GRM8: variants seen among roughly 807,000 people sequenced by gnomAD.
The protein encoded by GRM8 is metabotropic glutamate receptor 8.
In GRM8, 47 loss-of-function variants were observed where a neutral mutation model predicts 87.2. The ratio of observed to expected loss-of-function variants is 0.54; its 90% CI spans 0.43 to 0.69. The LOEUF (loss-of-function observed/expected upper bound fraction) is 0.69. GRM8 is among the 30% of genes least tolerant of loss of function. The pLI, the probability that GRM8 is intolerant of heterozygous loss-of-function variation, is 0.00. For missense variants in GRM8, 1,019 were observed against 1,139.2 expected, an observed-to-expected ratio of 0.89 and a Z score of 1.52; for synonymous variants, 396 against 404.5, an observed-to-expected ratio of 0.98 and a Z score of 0.25.
At chr7:126,613,758 G>A (rs1226595177) in intron 7 of GRM8, among the ~76,000 whole-genome samples, 1 of 152,218 alleles carries the variant, frequency 6.6e-6, no homozygotes, top group East Asian at 1.9e-4. Flanking sequence ...AGGGTCCCAT[G>A]CCCACGGAGC....
intron 7 of GRM8, among the ~76,000 whole-genome samples, chr7:126,642,512 C>A (rs140299370): frequency 1.3e-5 from 2 of 151,914 alleles, no homozygotes; most frequent in African/African-American, 2.4e-5. Flanking sequence ...TGCTGGCGGA[C>A]GCCTGTAGTC....
intron 7 of GRM8, among the ~76,000 whole-genome samples, chr7:126,633,935 T>A (rs1801602251): frequency 6.6e-6 from 1 of 152,000 alleles, no homozygotes; most frequent in Admixed American, 6.6e-5. Flanking sequence ...TTTTAGTATA[T>A]CACAAGTATA....
intron 2 of GRM8, among the ~76,000 whole-genome samples, chr7:127,182,754 G>C (rs1167162855): frequency 6.6e-6 from 1 of 151,368 alleles, no homozygotes; most frequent in African/African-American, 2.4e-5. Flanking sequence ...CAGTCACTTA[G>C]ATGAGATTGG....
At chr7:126,645,453 C>T (rs1440691550) in intron 7 of GRM8, among the ~76,000 whole-genome samples, 1 of 152,166 alleles carries the variant, frequency 6.6e-6, no homozygotes, top group Non-Finnish European at 1.5e-5. Context: ...TTATTCCCAA[C>T]CAATCAACAG....
intron 7 of GRM8, among the ~76,000 whole-genome samples, chr7:126,710,709 G>T (rs1811012995): frequency 6.6e-6 from 1 of 152,104 alleles, no homozygotes; most frequent in African/African-American, 2.4e-5. Context: ...CATGAGGGTT[G>T]GAATCAATTT....
At chr7:126,452,540 C>A (rs1248362488) in intron 9 of GRM8, among the ~76,000 whole-genome samples, 1 of 150,010 alleles carries the variant, frequency 6.7e-6, no homozygotes, top group Non-Finnish European at 1.5e-5. Context: ...GAATATAACT[C>A]ATGTATTTCC....
intron 7 of GRM8, among the ~76,000 whole-genome samples, chr7:126,626,250 T>G (rs1800679206): frequency 6.6e-6 from 1 of 152,100 alleles, no homozygotes. Context: ...AGAGTCACAT[T>G]TATCAGTCTT....
intron 3 of GRM8, among the ~76,000 whole-genome samples, chr7:126,964,868 A>T (rs898027793): frequency 3.3e-5 from 5 of 152,216 alleles, no homozygotes; most frequent in African/African-American, 1.2e-4. Flanking sequence ...ACATGTGTTT[A>T]ATGTGGCACT....
At chr7:126,892,837 T>C (rs1179038929) in intron 6 of GRM8, among the ~76,000 whole-genome samples, 1 of 152,136 alleles carries the variant, frequency 6.6e-6, no homozygotes, top group Non-Finnish European at 1.5e-5. Context: ...TTCTAACTGG[T>C]GTGAGATGTT....
At chr7:126,765,245 G>T (rs1243754161) in intron 7 of GRM8, among the ~76,000 whole-genome samples, 1 of 152,008 alleles carries the variant, frequency 6.6e-6, no homozygotes, top group Non-Finnish European at 1.5e-5. Context: ...AGATAAAGCA[G>T]ACAGACAGAA....
chr7:127,194,397 G>A (rs1250516525), intron 2 of GRM8, among the ~76,000 whole-genome samples: 1 of 152,174 alleles, frequency 6.6e-6, no homozygotes, highest in Non-Finnish European at 1.5e-5. Context: ...TTATCAGGGT[G>A]TCAGATTAGG....
At chr7:127,074,374 T>C (rs879515286) in intron 3 of GRM8, among the ~76,000 whole-genome samples, 1 of 152,088 alleles carries the variant, frequency 6.6e-6, no homozygotes, top group Non-Finnish European at 1.5e-5. Context: ...AATTGTGCAA[T>C]ATAGGCAAAG....
At chr7:126,910,766 T>C (rs1427090241) in intron 3 of GRM8, among the ~76,000 whole-genome samples, 1 of 152,228 alleles carries the variant, frequency 6.6e-6, no homozygotes, top group Non-Finnish European at 1.5e-5. Flanking sequence ...TTTACCCCTT[T>C]AGAAGGCTGA....
intron 7 of GRM8, among the ~76,000 whole-genome samples, chr7:126,722,672 G>C (rs1249314955): frequency 6.6e-6 from 1 of 151,982 alleles, no homozygotes; most frequent in Non-Finnish European, 1.5e-5. Context: ...AAGCAAGAAT[G>C]CATCCATGAT....
intron 6 of GRM8, among the ~76,000 whole-genome samples, chr7:126,864,703 T>A (rs890711597): frequency 6.6e-6 from 1 of 152,220 alleles, no homozygotes. Flanking sequence ...GATTATTTGC[T>A]GATTCTACTT....
At chr7:126,783,267 A>T (rs1475540057) in intron 6 of GRM8, among the ~76,000 whole-genome samples, 1 of 152,178 alleles carries the variant, frequency 6.6e-6, no homozygotes, top group Non-Finnish European at 1.5e-5. Context: ...GTACCCAAAT[A>T]CATCTTAGGT....
At chr7:127,234,435 A>G (rs1423329823) in intron 2 of GRM8, among the ~76,000 whole-genome samples, 2 of 152,226 alleles carry the variant, frequency 1.3e-5, no homozygotes, top group Non-Finnish European at 2.9e-5. Flanking sequence ...TTAAAAATAA[A>G]TCCACACAAC....
Position 126,580,005 on chromosome 7 carries a change from A to AG in GRM8, c.1494+29356dup, listed in dbSNP as rs80317232. On this transcript the variant is annotated intron_variant, in intron 8 of 10. Coordinates refer to ENST00000339582, the MANE Select transcript of GRM8 (RefSeq NM_000845.3). ...GTGCTTATCCCATATGAAAAAAAAA[A>AG]GTTGTGGTTAGAACAAATTAGTATT... Among the ~76,000 whole-genome samples, 6 of 152,238 alleles carry AG rather than the reference A, an allele frequency of 3.9e-5. No individual in the cohort carries two copies. In the East Asian group the frequency reaches 1.2e-3, roughly 29 times the overall value.
intron 6 of GRM8, among the ~76,000 whole-genome samples, chr7:126,792,065 T>G (rs754809078): frequency 6.6e-6 from 1 of 152,182 alleles, no homozygotes; most frequent in Non-Finnish European, 1.5e-5. Flanking sequence ...TTGTGGTACA[T>G]GCAAAATGCT....
Sources: allele counts gnomAD v4.1 joint callset (sites outside exome capture counted in the v4.1 genomes callset), GRCh38; gene constraint gnomAD v4.1.1; transcripts MANE v1.5; gene names NCBI Gene and HGNC (gene_info 2026-07-23, HGNC 2026-07-21).